ANK1: variants seen among roughly 807,000 people sequenced by gnomAD.
ANK1 encodes ankyrin-1.
Under a neutral mutation model 210.4 loss-of-function variants are expected in ANK1, and 51 were observed. That is an observed-to-expected ratio of 0.24 (90% CI 0.19 to 0.31). ANK1 has a LOEUF of 0.31. Ranked by LOEUF, ANK1 falls within the 10% of genes least tolerant of loss-of-function variation. The pLI is 1.00. For synonymous variants in ANK1, 967 were observed against 1,025.9 expected (o/e 0.94, Z 1.10); for missense variants, 2,051 against 2,504.4 (o/e 0.82, Z 3.86).
Position 41,672,781 on chromosome 8 carries a change from G to A in ANK1, c.4669C>T (p.His1557Tyr), listed in dbSNP as rs781503527. Reference protein sequence around the residue: ...LDAIPLAATEHDTMLEMSDMQ... With the variant: ...LDAIPLAATEYDTMLEMSDMQ... ...TCAGACATCTCCAGCATGGTGTCAT[G>A]CTCCGTGGCCGCCAAGGGGATGGCG... is the stretch of plus-strand genomic sequence containing the variant. Residue 1557 changes from histidine (H) to tyrosine (Y), a missense_variant, in exon 38 of 43, where the codon CAT becomes TAT. Coordinates refer to ENST00000289734, the MANE Select transcript of ANK1 (RefSeq NM_000037.4). 5 of 1,603,842 alleles carry A rather than the reference G, an allele frequency of 3.1e-6. No homozygotes were observed. The South Asian group carries it at 4.5e-5, about 14-fold the overall frequency.
chr8:41,760,057 C>T (rs1333000527), intron 1 of ANK1, among the ~76,000 whole-genome samples: 1 of 152,242 alleles, frequency 6.6e-6, no homozygotes, highest in Non-Finnish European at 1.5e-5. Flanking sequence ...TGTTCCTTAG[C>T]TGCTGCTACG....
At chr8:41,807,656 AC>A (rs748550458) in intron 1 of ANK1, among the ~76,000 whole-genome samples, 1 of 152,174 alleles carries the variant, frequency 6.6e-6, no homozygotes, top group South Asian at 2.1e-4. Flanking sequence ...GGGCGGTATC[AC>A]ATAAAATCTC....
At chr8:41,764,305 A>C (rs551137377) in intron 1 of ANK1, among the ~76,000 whole-genome samples, 1 of 152,224 alleles carries the variant, frequency 6.6e-6, no homozygotes, top group African/African-American at 2.4e-5. Context: ...CTGAGCCCCT[A>C]CTGCCCATCT....
intron 1 of ANK1, among the ~76,000 whole-genome samples, chr8:41,864,274 C>A (rs1406376333): frequency 6.6e-6 from 1 of 151,082 alleles, no homozygotes; most frequent in African/African-American, 2.4e-5. Flanking sequence ...AAAAGGGTAC[C>A]ATTTCCTCCA....
intron 16 of ANK1, among the ~76,000 whole-genome samples, chr8:41,709,401 C>T (rs78197637): frequency 0.21 from 32,001 of 152,212 alleles, 4,337 homozygotes; most frequent in South Asian, 0.31. Flanking sequence ...TGGGCCTTGC[C>T]GGCATTAGGC....
At chr8:41,776,466 T>C (rs773523497) in intron 1 of ANK1, among the ~76,000 whole-genome samples, 1 of 152,166 alleles carries the variant, frequency 6.6e-6, no homozygotes, top group African/African-American at 2.4e-5. Context: ...AACATCGTCA[T>C]GTAACCTCCA....
intron 2 of ANK1, among the ~76,000 whole-genome samples, chr8:41,742,167 T>C (rs180941758): frequency 7.5e-4 from 115 of 152,368 alleles, no homozygotes; most frequent in Middle Eastern, 3.4e-3. Context: ...AGAAATTCCA[T>C]TGGCAAAATA....
chr8:41,875,195 T>C (rs1816325330), intron 1 of ANK1, among the ~76,000 whole-genome samples: 1 of 152,178 alleles, frequency 6.6e-6, no homozygotes, highest in African/African-American at 2.4e-5. Flanking sequence ...GTCACCCAGA[T>C]GCGGGGGCTC....
At chr8:41,658,263 C>T (rs539500490) in intron 42 of ANK1, among the ~76,000 whole-genome samples, 9 of 152,314 alleles carry the variant, frequency 5.9e-5, no homozygotes, top group African/African-American at 2.2e-4. Context: ...GGCTAAGGAA[C>T]CTGAGGCTTA....
At chr8:41,769,604 C>A (rs186694106) in intron 1 of ANK1, among the ~76,000 whole-genome samples, 1 of 152,276 alleles carries the variant, frequency 6.6e-6, no homozygotes, top group African/African-American at 2.4e-5. Context: ...GAAAGAGATA[C>A]TATTTTTTAG....
intron 1 of ANK1, among the ~76,000 whole-genome samples, chr8:41,822,844 G>A (rs11997839): frequency 0.012 from 1,848 of 152,302 alleles, 51 homozygotes; most frequent in African/African-American, 0.043. Flanking sequence ...ACCCCTGTAC[G>A]GGAAGCACAG....
intron 37 of ANK1, among the ~76,000 whole-genome samples, chr8:41,683,294 G>A (rs765986205): frequency 6.6e-6 from 1 of 152,206 alleles, no homozygotes; most frequent in Non-Finnish European, 1.5e-5. Flanking sequence ...TGAGGTCAGA[G>A]GCAGAAGAGA....
intron 1 of ANK1, among the ~76,000 whole-genome samples, chr8:41,803,649 G>A (rs1183760664): frequency 1.3e-5 from 2 of 151,524 alleles, no homozygotes; most frequent in Non-Finnish European, 2.9e-5. Context: ...CTTAAATGGA[G>A]CTGCTTTTAA....
At chr8:41,701,477 G>T (rs1822781138) in intron 22 of ANK1, 73 bp downstream of exon 22, 3 of 1,408,850 alleles carry the variant, frequency 2.1e-6, no homozygotes, top group African/African-American at 1.4e-5. Context: ...CCGGCAGGTG[G>T]CAGGAAGCCC....
chr8:41,737,425 C>T (rs765432271), intron 2 of ANK1, among the ~76,000 whole-genome samples: 1 of 152,208 alleles, frequency 6.6e-6, no homozygotes, highest in Non-Finnish European at 1.5e-5. Context: ...GTGACCTCGG[C>T]AATTGATCTC....
chr8:41,789,774 T>A (rs1234762533), intron 1 of ANK1, among the ~76,000 whole-genome samples: 2 of 152,306 alleles, frequency 1.3e-5, no homozygotes, highest in African/African-American at 4.8e-5. Flanking sequence ...TGTTTCCTCA[T>A]CTAGAAAGCG....
In ANK1 at chr8:41,668,221, G is replaced by C. The variant is rs749953104; in HGVS notation, c.5394+46C>G. ...CAGCCCTGGAGTCCCGGCCCCTTCC[G>C]ATGCTGGGAAGGAACAGCAGCACGC... On this transcript the variant is annotated intron_variant, in intron 39 of 42. Coordinates refer to ENST00000289734, the MANE Select transcript of ANK1 (RefSeq NM_000037.4). 1.2e-6 allele frequency: 2 copies of C among 1,613,014 alleles called. 1 individual carries two copies. Among genetic ancestry groups the C allele is most frequent in the South Asian group, 2.2e-5 (2 of 91,010 alleles).
At chr8:41,842,655 A>C (rs1372453715) in intron 1 of ANK1, among the ~76,000 whole-genome samples, 1 of 152,162 alleles carries the variant, frequency 6.6e-6, no homozygotes, top group Non-Finnish European at 1.5e-5. Context: ...GGTTACAGGA[A>C]GCGCATATTA....
At chr8:41,753,341 C>T (rs1450119581) in intron 2 of ANK1, among the ~76,000 whole-genome samples, 3 of 152,054 alleles carry the variant, frequency 2.0e-5, no homozygotes, top group African/African-American at 7.2e-5. Context: ...GCTGAGATTA[C>T]AGGTATGAGC....
Sources: allele counts gnomAD v4.1 joint callset (sites outside exome capture counted in the v4.1 genomes callset), GRCh38; gene constraint gnomAD v4.1.1; transcripts MANE v1.5; gene names NCBI Gene and HGNC (gene_info 2026-07-23, HGNC 2026-07-21).